The following RNLS variants were observed in gnomAD, a reference collection of about 807,000 sequenced individuals.
The protein encoded by RNLS is renalase.
Under a neutral mutation model 39.8 loss-of-function variants are expected in RNLS, and 39 were observed. That is an observed-to-expected ratio of 0.98 (90% CI 0.76 to 1.28). The LOEUF is 1.28. Ranked by LOEUF, RNLS falls within the 50% of genes most tolerant of loss-of-function variation. RNLS has a pLI of 0.00. For missense variants in RNLS, 410 were observed against 413.3 expected (o/e 0.99, Z 0.07); for synonymous variants, 147 against 150.7 (o/e 0.98, Z 0.18).
At chr10:88,172,878 A>G in the RNLS span, among the ~76,000 whole-genome samples, 1 of 15,632 alleles carries the variant, frequency 6.4e-5, no homozygotes, top group Non-Finnish European at 1.5e-4. Flanking sequence ...TTTTTTTTAG[A>G]TGGAGTCTCG....
chr10:88,463,736 C>T (rs879300600), intron 4 of RNLS, among the ~76,000 whole-genome samples: 3 of 151,926 alleles, frequency 2.0e-5, no homozygotes, highest in Admixed American at 1.3e-4. Flanking sequence ...TCAATGTTAA[C>T]TTCAGGTCAG....
intron 4 of RNLS, among the ~76,000 whole-genome samples, chr10:88,426,883 A>C (rs1854807143): frequency 6.6e-6 from 1 of 152,042 alleles, no homozygotes; most frequent in South Asian, 2.1e-4. Flanking sequence ...TGTCAGATAA[A>C]GATCAGTTAA....
At chr10:88,405,866 A>G (rs1853230749) in intron 4 of RNLS, among the ~76,000 whole-genome samples, 1 of 151,996 alleles carries the variant, frequency 6.6e-6, no homozygotes, top group African/African-American at 2.4e-5. Flanking sequence ...TATTTCCAGG[A>G]TTTGTTTTAA....
the RNLS span, among the ~76,000 whole-genome samples, chr10:88,203,437 CGT>C: frequency 0.032 from 71 of 2,248 alleles, 18 homozygotes; most frequent in East Asian, 0.058. Context: ...TATATATATA[CGT>C]GTGTGTGTGT....
intron 4 of RNLS, among the ~76,000 whole-genome samples, chr10:88,453,522 T>C (rs898551385): frequency 6.6e-6 from 1 of 152,218 alleles, no homozygotes. Context: ...GTTTCTTTCA[T>C]TCTCCCATAG....
chr10:88,206,864 G>C, the RNLS span, among the ~76,000 whole-genome samples: 4 of 152,026 alleles, frequency 2.6e-5, no homozygotes, highest in Non-Finnish European at 4.4e-5. Context: ...ACTGACTACA[G>C]TTTCTTATGA....
At chr10:88,544,211 T>G (rs1347724012) in intron 4 of RNLS, among the ~76,000 whole-genome samples, 1 of 152,196 alleles carries the variant, frequency 6.6e-6, no homozygotes. Flanking sequence ...AGCTATTCTT[T>G]TTGTTACTCC....
intron 4 of RNLS, among the ~76,000 whole-genome samples, chr10:88,543,233 C>T (rs1245504352): frequency 2.0e-5 from 3 of 152,128 alleles, no homozygotes; most frequent in East Asian, 1.9e-4. Flanking sequence ...CTTTCCTCTG[C>T]CGCACTATGA....
At chr10:88,414,715 T>C (rs544638625) in intron 4 of RNLS, among the ~76,000 whole-genome samples, 2 of 152,222 alleles carry the variant, frequency 1.3e-5, no homozygotes, top group South Asian at 2.1e-4. Context: ...ATTGAGAAAA[T>C]TTTCTTGCTC....
chr10:88,574,024 C>T (rs900382054), intron 3 of RNLS, among the ~76,000 whole-genome samples: 6 of 152,026 alleles, frequency 3.9e-5, no homozygotes, highest in Admixed American at 3.9e-4. Flanking sequence ...GCCTGCAATC[C>T]CAGCTACTAA....
chr10:88,272,504 C>A (rs185906517), downstream of RNLS, among the ~76,000 whole-genome samples: 8 of 152,240 alleles, frequency 5.3e-5, no homozygotes. Context: ...GATTCTAATT[C>A]AGTCATTCCT....
chr10:88,428,171 C>T (rs575779670), intron 4 of RNLS, among the ~76,000 whole-genome samples: 6 of 152,084 alleles, frequency 3.9e-5, no homozygotes, highest in South Asian at 4.1e-4. Context: ...TTTCCCGAAT[C>T]TCTCGCTCCA....
the RNLS span, among the ~76,000 whole-genome samples, chr10:88,197,398 C>T: frequency 1.7e-3 from 255 of 152,226 alleles, 1 homozygote; most frequent in African/African-American, 5.6e-3. Flanking sequence ...TCCTGGGGCC[C>T]GGCTGTTGGG....
intron 5 of RNLS, among the ~76,000 whole-genome samples, chr10:88,353,743 T>C (rs1479392420): frequency 9.2e-5 from 14 of 152,244 alleles, no homozygotes; most frequent in Non-Finnish European, 1.9e-4. Flanking sequence ...GGTGCAGATC[T>C]GAATTCAATT....
At chr10:88,507,588 T>C (rs1845864007) in intron 4 of RNLS, among the ~76,000 whole-genome samples, 1 of 152,150 alleles carries the variant, frequency 6.6e-6, no homozygotes, top group African/African-American at 2.4e-5. Context: ...AGATGTCCCA[T>C]GTGAGCTGCT....
chr10:88,313,606 A>G (rs1344182744), intron 6 of RNLS, among the ~76,000 whole-genome samples: 1 of 152,182 alleles, frequency 6.6e-6, no homozygotes, highest in Non-Finnish European at 1.5e-5. Flanking sequence ...AAGCCCTTTA[A>G]AATATACAAA....
rs1189505203 is a variant in RNLS at position 88,362,656 on chromosome 10, A to C, written c.596T>G (p.Phe199Cys). Residue 199 changes from phenylalanine (F) to cysteine (C), a missense_variant, in exon 5 of 7, where the codon TTT (phenylalanine) becomes TGT (cysteine). Transcript: ENST00000331772. ...ATCAATCTTCGTACCAGCTTCATAA[A>C]AGAGGCCCAGAGCATATCGAGAGGA... is the stretch of plus-strand genomic sequence containing the variant. The part of the protein sequence containing the change: ...SYSSRYALGL[F>C]YEAGTKIDVP... 6.2e-7 allele frequency: 1 copy of C among 1,613,970 alleles called. No homozygotes were observed. The highest frequency in any genetic ancestry group is 2.2e-5 in the East Asian group (1 of 44,886).
chr10:88,171,637 A>G, the RNLS span, among the ~76,000 whole-genome samples: 1 of 152,230 alleles, frequency 6.6e-6, no homozygotes, highest in Non-Finnish European at 1.5e-5. Context: ...GTATATAATC[A>G]GGGTAATTTA....
chr10:88,323,108 A>G (rs1419512140), intron 5 of RNLS, among the ~76,000 whole-genome samples: 1 of 152,216 alleles, frequency 6.6e-6, no homozygotes, highest in East Asian at 1.9e-4. Context: ...GGAGAACAAC[A>G]GAATACTGAT....
Sources: allele counts gnomAD v4.1 joint callset (sites outside exome capture counted in the v4.1 genomes callset), GRCh38; gene constraint gnomAD v4.1.1; transcripts MANE v1.5; gene names NCBI Gene and HGNC (gene_info 2026-07-23, HGNC 2026-07-21).